The following SLC24A2 variants were observed in gnomAD, a reference collection of about 807,000 sequenced individuals.
The protein encoded by SLC24A2 is sodium/potassium/calcium exchanger 2.
SLC24A2 carries 36 observed loss-of-function variants against 62.0 expected under a neutral mutation model. The ratio of observed to expected loss-of-function variants is 0.58; its 90% CI spans 0.44 to 0.77. SLC24A2 has a LOEUF of 0.77. SLC24A2 is among the 30% of genes least tolerant of loss of function. The pLI is 0.00. For synonymous variants in SLC24A2, 358 were observed against 294.0 expected, an observed-to-expected ratio of 1.22 and a Z score of -2.23; for missense variants, 846 against 817.9, an observed-to-expected ratio of 1.03 and a Z score of -0.42.
chr9:19,865,156 A>G, the SLC24A2 span, among the ~76,000 whole-genome samples: 1 of 152,128 alleles, frequency 6.6e-6, no homozygotes. Context: ...AATGAAAACT[A>G]TAAATCACTG....
At chr9:20,262,303 G>A in the SLC24A2 span, among the ~76,000 whole-genome samples, 10 of 152,296 alleles carry the variant, frequency 6.6e-5, no homozygotes, top group South Asian at 1.7e-3. Context: ...ATGTGACCCT[G>A]GCAAATGAGT....
chr9:20,248,764 G>C, the SLC24A2 span, among the ~76,000 whole-genome samples: 1 of 152,200 alleles, frequency 6.6e-6, no homozygotes, highest in Non-Finnish European at 1.5e-5. Flanking sequence ...CAGGAACAGA[G>C]TAACTATCCA....
chr9:19,915,277 T>A, the SLC24A2 span, among the ~76,000 whole-genome samples: 2 of 152,208 alleles, frequency 1.3e-5, no homozygotes, highest in Non-Finnish European at 2.9e-5. Flanking sequence ...TTCTTTTTTA[T>A]TGCCTAATAA....
the SLC24A2 span, among the ~76,000 whole-genome samples, chr9:20,073,791 A>C: frequency 6.6e-6 from 1 of 151,700 alleles, no homozygotes; most frequent in Non-Finnish European, 1.5e-5. Context: ...CTATATGCAT[A>C]TATGTATACA....
At chr9:20,153,488 T>C in the SLC24A2 span, among the ~76,000 whole-genome samples, 1 of 151,940 alleles carries the variant, frequency 6.6e-6, no homozygotes, top group South Asian at 2.1e-4. Context: ...GCAAATTCTT[T>C]AATTTCTCTG....
the SLC24A2 span, among the ~76,000 whole-genome samples, chr9:20,114,449 G>T: frequency 2.6e-4 from 40 of 152,004 alleles, no homozygotes; most frequent in Non-Finnish European, 5.3e-4. Context: ...GGTGTGAAAG[G>T]ACAAACTGTT....
chr9:20,255,918 CAG>C, the SLC24A2 span, among the ~76,000 whole-genome samples: 1 of 152,186 alleles, frequency 6.6e-6, no homozygotes, highest in East Asian at 1.9e-4. Context: ...CAGAATACTA[CAG>C]ACCAGGTAAC....
the SLC24A2 span, among the ~76,000 whole-genome samples, chr9:19,821,147 T>C: frequency 6.6e-6 from 1 of 152,094 alleles, no homozygotes; most frequent in Non-Finnish European, 1.5e-5. Flanking sequence ...CCTACACTTC[T>C]GTATCCCCCA....
chr9:20,002,444 C>A, the SLC24A2 span, among the ~76,000 whole-genome samples: 1 of 146,330 alleles, frequency 6.8e-6, no homozygotes, highest in East Asian at 2.1e-4. Context: ...CCAGGAAAAT[C>A]TACTCAGGGT....
chr9:20,109,158 G>A, the SLC24A2 span, among the ~76,000 whole-genome samples: 1 of 152,110 alleles, frequency 6.6e-6, no homozygotes, highest in Non-Finnish European at 1.5e-5. Flanking sequence ...CTAGGTTTGG[G>A]TACGTATACT....
chr9:19,962,782 T>A, the SLC24A2 span, among the ~76,000 whole-genome samples: 1 of 152,208 alleles, frequency 6.6e-6, no homozygotes, highest in Non-Finnish European at 1.5e-5. Context: ...GTTTTCTAGA[T>A]ATACAATCAT....
chr9:19,561,050 C>A (rs10964207), intron 7 of SLC24A2, among the ~76,000 whole-genome samples: 10 of 151,952 alleles, frequency 6.6e-5, no homozygotes, highest in Non-Finnish European at 1.2e-4. Flanking sequence ...CTCAGCCTCC[C>A]GAGTAGCTGG....
chr9:19,526,253 T>G (rs187272836), intron 9 of SLC24A2, among the ~76,000 whole-genome samples: 70 of 152,354 alleles, frequency 4.6e-4, no homozygotes, highest in African/African-American at 1.7e-3. Context: ...ATTCATCAGT[T>G]GATGGACATT....
chr9:19,925,111 C>T, the SLC24A2 span, among the ~76,000 whole-genome samples: 1 of 152,312 alleles, frequency 6.6e-6, no homozygotes, highest in South Asian at 2.1e-4. Flanking sequence ...ATTATCACTC[C>T]CAGAATAACT....
the SLC24A2 span, among the ~76,000 whole-genome samples, chr9:20,181,895 G>C: frequency 3.9e-5 from 6 of 152,276 alleles, 1 homozygote; most frequent in Admixed American, 3.9e-4. Flanking sequence ...ATCTGACAAA[G>C]GGCTAATATC....
the SLC24A2 span, among the ~76,000 whole-genome samples, chr9:20,165,396 A>C: frequency 6.6e-6 from 1 of 151,912 alleles, no homozygotes; most frequent in Non-Finnish European, 1.5e-5. Context: ...TATGAGCCCT[A>C]CCAAATATTT....
At chr9:20,110,436 C>G in the SLC24A2 span, among the ~76,000 whole-genome samples, 11 of 150,462 alleles carry the variant, frequency 7.3e-5, no homozygotes, top group Non-Finnish European at 1.5e-4. Context: ...CCAAAGTAGT[C>G]CAACTTCTTT....
At chr9:20,057,587 T>TA in the SLC24A2 span, among the ~76,000 whole-genome samples, 1 of 152,206 alleles carries the variant, frequency 6.6e-6, no homozygotes, top group Non-Finnish European at 1.5e-5. Flanking sequence ...AGCTATGGGA[T>TA]ATTTGAAACC....
the SLC24A2 span, among the ~76,000 whole-genome samples, chr9:20,007,170 A>G: frequency 1.3e-5 from 2 of 152,170 alleles, no homozygotes; most frequent in Non-Finnish European, 2.9e-5. Context: ...TGAGCAAATA[A>G]AAAACAGTTT....
Sources: gnomAD v4.1 joint callset for allele counts (sites outside exome capture counted in the v4.1 genomes callset) on GRCh38, gnomAD v4.1.1 for gene constraint, MANE v1.5 for transcripts, NCBI Gene and HGNC (gene_info 2026-07-23, HGNC 2026-07-21) for gene names.